Variants in TLN2 observed in about 807,000 individuals in gnomAD.
TLN2 encodes talin-2.
A neutral mutation model predicts 294.7 loss-of-function variants in TLN2; 118 were observed. That is an observed-to-expected ratio of 0.40 (90% CI 0.34 to 0.47). The LOEUF (loss-of-function observed/expected upper bound fraction) is 0.47, where lower values mean the gene tolerates loss of function less well. Ranked by LOEUF, TLN2 falls within the 20% of genes least tolerant of loss-of-function variation. The pLI is 0.84. For missense variants in TLN2, 3,083 were observed against 3,282.2 expected, an observed-to-expected ratio of 0.94 and a Z score of 1.48; for synonymous variants, 1,431 against 1,304.5, an observed-to-expected ratio of 1.10 and a Z score of -2.09.
chr15:62,686,582 C>T (rs1473526648), intron 11 of TLN2, 59 bp from the exon 12 acceptor site: 1 of 1,547,820 alleles, frequency 6.5e-7, no homozygotes. Flanking sequence ...CACTGATTCC[C>T]TGGCAAAGTC....
At chr15:62,610,100 G>A (rs574436984) in intron 2 of TLN2, among the ~76,000 whole-genome samples, 1 of 152,248 alleles carries the variant, frequency 6.6e-6, no homozygotes, top group South Asian at 2.1e-4. Context: ...ACAGAGCCCT[G>A]ATTTCTTTTA....
intron 1 of TLN2, among the ~76,000 whole-genome samples, chr15:62,545,689 G>C (rs904301441): frequency 3.3e-5 from 5 of 152,192 alleles, no homozygotes; most frequent in Admixed American, 2.6e-4. Flanking sequence ...TTGGACAGCA[G>C]CCTGAAATCC....
Position 62,675,432 on chromosome 15 carries a change from G to T in TLN2, c.957+111G>T, listed in dbSNP as rs1296956830. 8.2e-6 allele frequency: 9 copies of T among 1,097,204 alleles called. No homozygotes were observed. The South Asian group carries it at 8.9e-5, about 11-fold the overall frequency. The allele number at this position is 1,097,204 out of a possible 1,614,324, so 68.0% of individuals were successfully genotyped here. A position where few individuals can be genotyped will look rare whatever the true frequency, so the allele number is the denominator to read the frequency against. ...CCTGCTCACCCCCCTAGCATTTGCG[G>T]GTGGAACATCTGGCTAGTGCTGACC... On this transcript the variant is annotated intron_variant, in intron 11 of 58. Transcript: ENST00000636159.
intron 1 of TLN2, among the ~76,000 whole-genome samples, chr15:62,550,079 C>T (rs1275120552): frequency 4.6e-5 from 7 of 152,038 alleles, no homozygotes; most frequent in Non-Finnish European, 7.4e-5. Context: ...GATGAGGCTT[C>T]AAATGTAGGC....
At chr15:62,713,097 G>A (rs1316454818) in intron 22 of TLN2, among the ~76,000 whole-genome samples, 1 of 151,740 alleles carries the variant, frequency 6.6e-6, no homozygotes, top group African/African-American at 2.4e-5. Flanking sequence ...GTGAAACCCT[G>A]TCTCTAATAA....
chr15:62,804,912 A>G (rs372185330), intron 50 of TLN2, among the ~76,000 whole-genome samples: 257 of 151,676 alleles, frequency 1.7e-3, no homozygotes, highest in African/African-American at 5.9e-3. Flanking sequence ...CAGGGTACCA[A>G]TCACTCATGT....
At chr15:62,608,208 G>A (rs2047617817) in intron 2 of TLN2, among the ~76,000 whole-genome samples, 1 of 152,164 alleles carries the variant, frequency 6.6e-6, no homozygotes. Flanking sequence ...TGGCAGCATT[G>A]TTGGAAAAGG....
At chr15:62,749,171 T>A (rs2061782624) in intron 33 of TLN2, among the ~76,000 whole-genome samples, 1 of 152,156 alleles carries the variant, frequency 6.6e-6, no homozygotes, top group African/African-American at 2.4e-5. Context: ...TTCTGGATGA[T>A]CAGCATGGGT....
chr15:62,741,027 T>C (rs2061295294), intron 32 of TLN2, among the ~76,000 whole-genome samples: 1 of 152,244 alleles, frequency 6.6e-6, no homozygotes, highest in African/African-American at 2.4e-5. Context: ...GTAAGGTCCA[T>C]TTTGACTTGT....
intron 1 of TLN2, among the ~76,000 whole-genome samples, chr15:62,539,284 T>TA (rs1257581943): frequency 5.9e-5 from 9 of 152,180 alleles, no homozygotes; most frequent in Non-Finnish European, 1.2e-4. Flanking sequence ...GTTGTCCTGT[T>TA]ACAGTAAATC....
intron 1 of TLN2, among the ~76,000 whole-genome samples, chr15:62,432,997 A>C (rs879259348): frequency 7.2e-5 from 11 of 152,266 alleles, no homozygotes; most frequent in Admixed American, 7.2e-4. Context: ...ACCACAGCAT[A>C]TGCCACTTGG....
At chr15:62,609,055 G>A (rs1474732161) in intron 2 of TLN2, among the ~76,000 whole-genome samples, 7 of 152,194 alleles carry the variant, frequency 4.6e-5, no homozygotes, top group African/African-American at 1.7e-4. Context: ...GATGGTGGTG[G>A]TGGTGGGGTT....
chr15:62,538,648 T>A (rs2041498997), intron 1 of TLN2, among the ~76,000 whole-genome samples: 1 of 152,202 alleles, frequency 6.6e-6, no homozygotes, highest in African/African-American at 2.4e-5. Flanking sequence ...TCTACAGGAT[T>A]TAATGTGCAG....
intron 57 of TLN2, among the ~76,000 whole-genome samples, chr15:62,837,808 G>A (rs936172930): frequency 4.6e-5 from 7 of 152,222 alleles, no homozygotes; most frequent in Non-Finnish European, 8.8e-5. Flanking sequence ...GTCCCACCCT[G>A]TGCAAGCCCT....
chr15:62,674,895 G>A (rs147674564), intron 10 of TLN2, among the ~76,000 whole-genome samples: 90 of 152,332 alleles, frequency 5.9e-4, no homozygotes, highest in African/African-American at 1.9e-3. Flanking sequence ...CATTTGGGAC[G>A]TGGAGTCCTT....
intron 55 of TLN2, chr15:62,834,339 G>C (rs754110363): frequency 2.6e-5 from 4 of 152,142 alleles, no homozygotes; most frequent in African/African-American, 9.7e-5. Flanking sequence ...ATGGAGAGGC[G>C]CCACAGAAAC....
At chr15:62,550,294 A>G (rs76450467) in intron 1 of TLN2, among the ~76,000 whole-genome samples, 13,601 of 152,166 alleles carry the variant, frequency 0.089, 780 homozygotes, top group Non-Finnish European at 0.12. Context: ...GCTAAAACAT[A>G]TTTACAGGGG....
chr15:62,400,176 A>G (rs1440100026), intron 1 of TLN2, among the ~76,000 whole-genome samples: 3 of 152,198 alleles, frequency 2.0e-5, no homozygotes, highest in Non-Finnish European at 4.4e-5. Context: ...TCCTGCCGCC[A>G]TGTGAAGAAG....
intron 1 of TLN2, among the ~76,000 whole-genome samples, chr15:62,553,241 A>T (rs2042421470): frequency 6.6e-6 from 1 of 152,138 alleles, no homozygotes; most frequent in South Asian, 2.1e-4. Context: ...CACTCCTGTA[A>T]TCCCAGCACT....
Sources: allele counts gnomAD v4.1 joint callset (sites outside exome capture counted in the v4.1 genomes callset), GRCh38; gene constraint gnomAD v4.1.1; transcripts MANE v1.5; gene names NCBI Gene and HGNC (gene_info 2026-07-23, HGNC 2026-07-21).